Variants in ARHGAP26 observed in about 807,000 individuals in gnomAD.
The protein encoded by ARHGAP26 is Rho GTPase activating protein 26.
Under a neutral mutation model 104.8 loss-of-function variants are expected in ARHGAP26, and 38 were observed. The observed-to-expected ratio is 0.36, with a 90% CI of 0.28 to 0.48. The LOEUF (loss-of-function observed/expected upper bound fraction) is 0.48, where lower values mean the gene tolerates loss of function less well. ARHGAP26 is among the 20% of genes least tolerant of loss of function. The pLI is 0.99. For synonymous variants in ARHGAP26, 341 were observed against 340.0 expected (o/e 1.00, Z -0.03); for missense variants, 704 against 947.9 (o/e 0.74, Z 3.38).
intron 17 of ARHGAP26, among the ~76,000 whole-genome samples, chr5:143,109,154 G>GTAGCTCACACC (rs1794452830): frequency 6.6e-6 from 1 of 151,844 alleles, no homozygotes; most frequent in Non-Finnish European, 1.5e-5. Context: ...TGGGTAGCAG[G>GTAGCTCACACC]TAACTCGCAC....
chr5:143,034,081 A>G (rs1782272679), intron 12 of ARHGAP26, among the ~76,000 whole-genome samples: 1 of 152,200 alleles, frequency 6.6e-6, no homozygotes, highest in African/African-American at 2.4e-5. Context: ...GGATGGCTAT[A>G]ATAAAAAAGA....
intron 4 of ARHGAP26, among the ~76,000 whole-genome samples, chr5:142,879,994 T>C (rs764405706): frequency 3.9e-5 from 6 of 152,220 alleles, no homozygotes; most frequent in Non-Finnish European, 8.8e-5. Flanking sequence ...AAGCCAGTTT[T>C]ATGTGAAATT....
Position 142,864,900 on chromosome 5 carries a change from G to A in ARHGAP26, c.155-8500G>A, listed in dbSNP as rs116282729. 6.1e-3 allele frequency among the ~76,000 whole-genome samples: 932 copies of A among 152,334 alleles called. 11 individuals carry two copies. The highest frequency in any genetic ancestry group is 0.021 in the African/African-American group (863 of 41,574). ...AAGCTGATGTTTGCGCAGCCAATGC[G>A]CGTCATACGCCTCTGAATTACCTTC... On this transcript the variant is annotated intron_variant, in intron 1 of 22. Coordinates refer to ENST00000645722, the MANE Select transcript of ARHGAP26 (RefSeq NM_001135608.3).
intron 18 of ARHGAP26, among the ~76,000 whole-genome samples, chr5:143,121,362 T>C (rs1796113538): frequency 6.6e-6 from 1 of 152,142 alleles, no homozygotes; most frequent in Non-Finnish European, 1.5e-5. Flanking sequence ...CAGCCATGGT[T>C]ATGGTGGTGG....
chr5:142,932,209 G>T lies in ARHGAP26; in HGVS notation c.1107+84G>T. ...CCCTAGTGCAGTGATTTTTGCTGCT[G>T]TTCTAAAGCCTTGGGTTCTTGAAAC... On this transcript the variant is annotated intron_variant, in intron 11 of 22. Transcript: ENST00000645722. The T allele has an allele frequency of 2.3e-6, 3 of 1,299,224 alleles. No homozygotes were observed. The South Asian group carries it at 3.6e-5, about 15-fold the overall frequency. 80.5% of individuals were successfully genotyped at this position (1,299,224 alleles called of 1,614,324 possible). A position where few individuals can be genotyped will look rare whatever the true frequency, so the allele number is the denominator to read the frequency against.
intron 17 of ARHGAP26, among the ~76,000 whole-genome samples, chr5:143,070,318 G>A (rs1016549595): frequency 6.6e-6 from 1 of 152,232 alleles, no homozygotes; most frequent in East Asian, 1.9e-4. Context: ...ATTCTCCCCA[G>A]CCCTAACCAG....
chr5:142,812,493 A>G (rs1028080682), intron 1 of ARHGAP26, among the ~76,000 whole-genome samples: 1 of 151,860 alleles, frequency 6.6e-6, no homozygotes, highest in Non-Finnish European at 1.5e-5. Context: ...GTGCGCCACC[A>G]TGCCCGGCTA....
Position 143,092,168 on chromosome 5 carries a change from TTG to T in ARHGAP26, c.1539-28818_1539-28817del, listed in dbSNP as rs1225846417. Among the ~76,000 whole-genome samples the T allele has an allele frequency of 4.3e-3, 265 of 61,458 alleles. 2 individuals carry two copies. The highest frequency in any genetic ancestry group is 0.01 in the Middle Eastern group (1 of 96). 40.3% of individuals were successfully genotyped at this position (61,458 alleles called of 152,430 possible). On this transcript the variant is annotated intron_variant, in intron 17 of 22. Coordinates refer to ENST00000645722, the MANE Select transcript of ARHGAP26 (RefSeq NM_001135608.3). ...TGCAAACATCCCTTTGTTTTTTTTT[TTG>T]TTTTTTTTTTTTTGAGATGGAGTCT...
intron 17 of ARHGAP26, among the ~76,000 whole-genome samples, chr5:143,115,131 G>A (rs1000814385): frequency 2.0e-5 from 3 of 152,006 alleles, no homozygotes; most frequent in Admixed American, 6.5e-5. Flanking sequence ...TCAGGAGTTC[G>A]AGAGGAGCCT....
chr5:142,965,594 C>T (rs568199759), intron 11 of ARHGAP26, among the ~76,000 whole-genome samples: 6 of 152,212 alleles, frequency 3.9e-5, no homozygotes, highest in East Asian at 1.9e-4. Flanking sequence ...GATTATAGAG[C>T]GAGGATTATT....
intron 20 of ARHGAP26, among the ~76,000 whole-genome samples, chr5:143,190,471 G>A (rs115589333): frequency 0.013 from 2,023 of 152,100 alleles, 22 homozygotes; most frequent in Middle Eastern, 0.024. Context: ...TTGAATTTTC[G>A]AAGTGCTTAA....
chr5:142,826,750 G>C (rs1220112729), intron 1 of ARHGAP26, among the ~76,000 whole-genome samples: 1 of 152,024 alleles, frequency 6.6e-6, no homozygotes, highest in Non-Finnish European at 1.5e-5. Flanking sequence ...GCCCAGGTCA[G>C]TCTGCTGTCC....
chr5:143,015,726 G>C (rs556164732), intron 12 of ARHGAP26, among the ~76,000 whole-genome samples: 67 of 152,120 alleles, frequency 4.4e-4, no homozygotes, highest in African/African-American at 1.6e-3. Flanking sequence ...GTGGTGGGGT[G>C]GGGGAGGAGA....
chr5:142,794,996 A>C (rs1208642857), intron 1 of ARHGAP26, among the ~76,000 whole-genome samples: 13 of 152,230 alleles, frequency 8.5e-5, no homozygotes, highest in Non-Finnish European at 1.5e-5. Flanking sequence ...GCCAGTTAGT[A>C]AATTTTTTAG....
chr5:142,787,938 A>AT (rs1275163956), intron 1 of ARHGAP26, among the ~76,000 whole-genome samples: 1 of 148,020 alleles, frequency 6.8e-6, no homozygotes, highest in Non-Finnish European at 1.5e-5. Flanking sequence ...CTGGTGACCT[A>AT]TTTTTGGATG....
chr5:142,875,292 T>C (rs968689520), intron 3 of ARHGAP26, 121 bp downstream of exon 3: 3 of 921,178 alleles, frequency 3.3e-6, no homozygotes, highest in Non-Finnish European at 5.2e-6. Flanking sequence ...TTTGAGCTCT[T>C]CAGCAAGCCT....
At chr5:142,906,456 G>A (rs1462668146) in intron 8 of ARHGAP26, among the ~76,000 whole-genome samples, 3 of 152,176 alleles carry the variant, frequency 2.0e-5, no homozygotes, top group African/African-American at 4.8e-5. Flanking sequence ...TTGCCATTCA[G>A]TGTACTTATG....
intron 20 of ARHGAP26, among the ~76,000 whole-genome samples, chr5:143,177,671 G>T (rs1177861047): frequency 5.3e-5 from 8 of 152,164 alleles, no homozygotes; most frequent in Non-Finnish European, 1.0e-4. Context: ...TCAGTTTTCA[G>T]AGCCACTTGA....
At chr5:143,150,289 A>G (rs1799675905) in intron 20 of ARHGAP26, among the ~76,000 whole-genome samples, 7 of 152,210 alleles carry the variant, frequency 4.6e-5, no homozygotes, top group Admixed American at 4.6e-4. Flanking sequence ...CCTGGGGTAA[A>G]CCGGAATAAG....
Sources: gnomAD v4.1 joint callset for allele counts (sites outside exome capture counted in the v4.1 genomes callset) on GRCh38, gnomAD v4.1.1 for gene constraint, MANE v1.5 for transcripts, NCBI Gene and HGNC (gene_info 2026-07-23, HGNC 2026-07-21) for gene names.